Variants in ATP2C1 observed in about 807,000 individuals in gnomAD.
The protein encoded by ATP2C1 is ATPase secretory pathway Ca2+ transporting 1, also known as calcium-transporting ATPase type 2C member 1.
ATP2C1 carries 31 observed loss-of-function variants against 120.5 expected under a neutral mutation model. That is an observed-to-expected ratio of 0.26 (90% CI 0.19 to 0.35). The LOEUF (loss-of-function observed/expected upper bound fraction) is 0.35. Among genes scored for constraint, ATP2C1 ranks in the 10% least tolerant of loss-of-function variants. ATP2C1 has a pLI of 1.00. For synonymous variants in ATP2C1, 351 were observed against 358.7 expected, an observed-to-expected ratio of 0.98 and a Z score of 0.24; for missense variants, 731 against 1,107.5, an observed-to-expected ratio of 0.66 and a Z score of 4.83.
intron 2 of ATP2C1, among the ~76,000 whole-genome samples, chr3:130,922,132 T>TCA (rs1413098001): frequency 1.1e-4 from 16 of 152,210 alleles, no homozygotes; most frequent in Admixed American, 6.5e-5. Context: ...TGTTTCAGTC[T>TCA]CACCACTTGT....
chr3:130,991,391 A>G (rs1430205700), intron 20 of ATP2C1, among the ~76,000 whole-genome samples: 1 of 152,160 alleles, frequency 6.6e-6, no homozygotes, highest in African/African-American at 2.4e-5. Flanking sequence ...TGGTAACAGT[A>G]TGATCATGGG....
chr3:130,952,468 T>C (rs73869009), intron 8 of ATP2C1, among the ~76,000 whole-genome samples: 10,357 of 152,130 alleles, frequency 0.068, 1,133 homozygotes, highest in African/African-American at 0.23. Flanking sequence ...TTTGAAAAGA[T>C]GTAATTTATA....
chr3:131,000,908 G>A (rs1245113710), intron 27 of ATP2C1, among the ~76,000 whole-genome samples: 3 of 151,848 alleles, frequency 2.0e-5, no homozygotes, highest in Non-Finnish European at 4.4e-5. Context: ...TTCAAGACCA[G>A]CCTGTCCAAA....
rs2062475827 is a variant in ATP2C1, at chr3:130,993,916, C to G, written c.1891-16C>G. The G allele has an allele frequency of 6.2e-7, 1 of 1,613,984 alleles. No homozygotes were observed. The highest frequency in any genetic ancestry group is 8.5e-7 in the Non-Finnish European group (1 of 1,179,918). ...TCAAAATTCCTTCCTCTCCCCTGTC[C>G]TCTGCTCCACTCTAGTCGCTACAGA... On this transcript the variant is annotated splice_polypyrimidine_tract_variant and intron_variant, in intron 21 of 27. Coordinates refer to ENST00000510168, the MANE Select transcript of ATP2C1 (RefSeq NM_001378687.1).
intron 2 of ATP2C1, among the ~76,000 whole-genome samples, chr3:130,920,130 G>T (rs563259322): frequency 6.6e-6 from 1 of 152,208 alleles, no homozygotes; most frequent in South Asian, 2.1e-4. Flanking sequence ...CTCTCATTCC[G>T]TAGGTTGCCT....
At chr3:130,940,757 C>G in intron 7 of ATP2C1, 66 bp downstream of exon 7, 6 of 1,181,522 alleles carry the variant, frequency 5.1e-6, no homozygotes, top group Non-Finnish European at 6.3e-6. Context: ...TGACTAGTAC[C>G]GTACATATTG....
intron 5 of ATP2C1, among the ~76,000 whole-genome samples, chr3:130,935,360 T>C (rs1351477195): frequency 6.6e-6 from 1 of 152,250 alleles, no homozygotes; most frequent in Non-Finnish European, 1.5e-5. Flanking sequence ...GTGCATGCTG[T>C]ATTTACAGCA....
At chr3:130,854,196 A>T (rs2107690081) in intron 1 of ATP2C1, 1 of 152,312 alleles carries the variant, frequency 6.6e-6, no homozygotes, top group South Asian at 2.1e-4. Flanking sequence ...ATTCTCTTGC[A>T]GCAAGTGTTT....
intron 17 of ATP2C1, among the ~76,000 whole-genome samples, chr3:130,969,803 T>A (rs993965409): frequency 8.5e-5 from 13 of 152,236 alleles, no homozygotes; most frequent in African/African-American, 2.7e-4. Flanking sequence ...GCCACCTTAC[T>A]TTTTGAAAAG....
chr3:130,873,584 T>C (rs1286653368), intron 1 of ATP2C1, among the ~76,000 whole-genome samples: 1 of 152,220 alleles, frequency 6.6e-6, no homozygotes, highest in African/African-American at 2.4e-5. Context: ...ATTTTTGTCA[T>C]TTAAATGAGG....
chr3:130,999,783 G>A, intron 27 of ATP2C1, 124 bp downstream of exon 27: 2 of 988,282 alleles, frequency 2.0e-6, no homozygotes, highest in Non-Finnish European at 1.5e-6. Context: ...TTTGAAAAAG[G>A]AGTCTATTTT....
chr3:130,859,637 G>A (rs1054175319), intron 1 of ATP2C1, among the ~76,000 whole-genome samples: 10 of 152,240 alleles, frequency 6.6e-5, no homozygotes, highest in African/African-American at 2.4e-4. Flanking sequence ...CCTTCTGAAG[G>A]TGTTCCATCC....
intron 11 of ATP2C1, among the ~76,000 whole-genome samples, chr3:130,958,131 A>G (rs979535240): frequency 6.6e-6 from 1 of 152,178 alleles, no homozygotes; most frequent in African/African-American, 2.4e-5. Flanking sequence ...AGTAATAAAT[A>G]TGTTTCAACT....
intron 2 of ATP2C1, among the ~76,000 whole-genome samples, chr3:130,900,805 T>C (rs1423300085): frequency 6.6e-6 from 1 of 152,208 alleles, no homozygotes; most frequent in Non-Finnish European, 1.5e-5. Flanking sequence ...AATCGGAGCC[T>C]TTTTCATTTG....
intron 7 of ATP2C1, 42 bp downstream of exon 7, chr3:130,940,733 A>C: frequency 6.8e-7 from 1 of 1,467,604 alleles, no homozygotes; most frequent in East Asian, 2.3e-5. Flanking sequence ...CCCTTTAAAA[A>C]TAGAAGTTGA....
chr3:131,003,412 C>G (rs1202564717), downstream of ATP2C1, among the ~76,000 whole-genome samples: 1 of 152,032 alleles, frequency 6.6e-6, no homozygotes, highest in Non-Finnish European at 1.5e-5. Flanking sequence ...TGCTAGAGTC[C>G]CTAACAATAC....
Position 130,894,402 on chromosome 3 carries a change from G to GT in ATP2C1, c.-181+67dup. 1 of 1,179,730 alleles carries GT rather than the reference G, an allele frequency of 8.5e-7. No homozygotes were observed. The highest frequency in any genetic ancestry group is 3.7e-4 in the Middle Eastern group (1 of 2,706). The allele number at this position is 1,179,730 out of a possible 1,614,324, so 73.1% of individuals were successfully genotyped here. On this transcript the variant is annotated intron_variant, in intron 1 of 27. Transcript: ENST00000510168. The surrounding 1 kb of genome is among the most constrained non-coding windows in gnomAD (Gnocchi z 4.5). ...CTTCCAGGTTCTGAAGGAAGGGGAG[G>GT]TTCGGGTATCCCCTGGATGGGGGGG...
At chr3:130,984,602 A>AT (rs1348543262) in intron 20 of ATP2C1, among the ~76,000 whole-genome samples, 1 of 152,144 alleles carries the variant, frequency 6.6e-6, no homozygotes, top group Non-Finnish European at 1.5e-5. Context: ...TCACTCATGA[A>AT]TGCTGTTTTC....
intron 26 of ATP2C1, chr3:131,014,089 C>T: frequency 6.2e-7 from 1 of 1,601,712 alleles, no homozygotes; most frequent in South Asian, 1.1e-5. Context: ...CTATGTTCCT[C>T]TAAGTTTTCA....
Sources: allele counts gnomAD v4.1 joint callset (sites outside exome capture counted in the v4.1 genomes callset), GRCh38; gene constraint gnomAD v4.1.1; non-coding constraint Gnocchi (gnomAD v3.1); transcripts MANE v1.5; gene names NCBI Gene and HGNC (gene_info 2026-07-23, HGNC 2026-07-21).